The following NBEA variants were observed in gnomAD, a reference collection of about 807,000 sequenced individuals.
NBEA encodes the protein neurobeachin, also known as lysosomal-trafficking regulator 2.
Under a neutral mutation model 343.4 loss-of-function variants are expected in NBEA, and 44 were observed. The observed-to-expected ratio is 0.13, with a 90% CI of 0.10 to 0.16. The LOEUF is 0.16. NBEA is among the 10% of genes least tolerant of loss of function. The probability of loss-of-function intolerance (pLI) is 1.00; values close to 1 mark genes in which losing one functional copy is unlikely to be tolerated. For missense variants in NBEA, 2,555 were observed against 3,631.3 expected (o/e 0.70, Z 7.62); for synonymous variants, 1,175 against 1,238.7 (o/e 0.95, Z 1.08).
chr13:35,578,315 G>A (rs1478760051), intron 45 of NBEA, among the ~76,000 whole-genome samples: 1 of 152,076 alleles, frequency 6.6e-6, no homozygotes, highest in African/African-American at 2.4e-5. Context: ...CCATTTCTGT[G>A]GATCTGTGAG....
chr13:35,074,537 A>G (rs942769821), intron 10 of NBEA, among the ~76,000 whole-genome samples: 8 of 152,158 alleles, frequency 5.3e-5, no homozygotes. Context: ...ATATTGCGTA[A>G]GTGTTCTTTT....
At chr13:35,439,677 A>C (rs1379284036) in intron 39 of NBEA, among the ~76,000 whole-genome samples, 3 of 152,198 alleles carry the variant, frequency 2.0e-5, no homozygotes, top group Admixed American at 2.0e-4. Context: ...ACATGTATAC[A>C]TATGTAACAA....
At chr13:35,613,962 C>T (rs927487914) in intron 48 of NBEA, among the ~76,000 whole-genome samples, 9 of 152,166 alleles carry the variant, frequency 5.9e-5, no homozygotes, top group African/African-American at 2.2e-4. Context: ...TAATTTATGC[C>T]ACTACTAACA....
chr13:35,579,604 A>T (rs901723722), intron 45 of NBEA, among the ~76,000 whole-genome samples: 29 of 152,146 alleles, frequency 1.9e-4, no homozygotes, highest in Non-Finnish European at 4.1e-4. Context: ...AATCTAAGGT[A>T]TTGCATCTAA....
chr13:34,996,297 T>C (rs999396282), intron 1 of NBEA, among the ~76,000 whole-genome samples: 1 of 152,188 alleles, frequency 6.6e-6, no homozygotes, highest in Non-Finnish European at 1.5e-5. Context: ...AGAAAACTGT[T>C]GATAGAGTCT....
chr13:35,012,619 A>AC (rs1327154314), intron 1 of NBEA, among the ~76,000 whole-genome samples: 1 of 152,190 alleles, frequency 6.6e-6, no homozygotes, highest in Non-Finnish European at 1.5e-5. Flanking sequence ...CAGGGTTGGG[A>AC]TTTATTTCCA....
At chr13:35,126,135 C>A (rs901491515) in intron 17 of NBEA, among the ~76,000 whole-genome samples, 1 of 152,166 alleles carries the variant, frequency 6.6e-6, no homozygotes, top group Non-Finnish European at 1.5e-5. Flanking sequence ...CAGTTCCCCC[C>A]TGCTGTTCTT....
intron 33 of NBEA, among the ~76,000 whole-genome samples, chr13:35,221,556 C>T (rs746223598): frequency 5.3e-5 from 8 of 151,942 alleles, no homozygotes; most frequent in Non-Finnish European, 7.4e-5. Context: ...TGTGAAAAAC[C>T]TATGTAGTAT....
rs540489676 is a variant in NBEA, at chr13:35,476,467, T to G, written c.6585+3931T>G. 21 of 799,768 alleles carry G rather than the reference T, an allele frequency of 2.6e-5. No individual in the cohort carries two copies. In the East Asian group the frequency reaches 5.6e-4, roughly 21 times the overall value. 49.5% of individuals were successfully genotyped at this position (799,768 alleles called of 1,614,324 possible). A position where few individuals can be genotyped will look rare whatever the true frequency, so the allele number is the denominator to read the frequency against. On this transcript the variant is annotated intron_variant, in intron 41 of 58. Transcript: ENST00000379939. ...AGAATCCTTGTGTGAGAGAACCGCATGGAGAGATCACCTTCTCAGGAATAA... is the reference window on the plus strand; with the variant it reads ...AGAATCCTTGTGTGAGAGAACCGCAGGGAGAGATCACCTTCTCAGGAATAA...
chr13:35,535,290 C>T (rs117684878), intron 41 of NBEA, among the ~76,000 whole-genome samples: 2,225 of 152,210 alleles, frequency 0.015, 22 homozygotes, highest in Middle Eastern at 0.031. Context: ...CATGAAGGTG[C>T]TTTAAGGTGT....
chr13:35,141,347 A>C (rs2068081367), intron 17 of NBEA, among the ~76,000 whole-genome samples: 1 of 152,058 alleles, frequency 6.6e-6, no homozygotes, highest in East Asian at 1.9e-4. Context: ...GCTCACTGCA[A>C]CCTCCACCTC....
intron 41 of NBEA, among the ~76,000 whole-genome samples, chr13:35,549,696 A>G (rs1222047370): frequency 6.6e-6 from 1 of 152,114 alleles, no homozygotes; most frequent in Non-Finnish European, 1.5e-5. Flanking sequence ...TATATGACTC[A>G]TTTCATCAGC....
chr13:35,397,284 G>A (rs2042790272), intron 38 of NBEA, among the ~76,000 whole-genome samples: 1 of 152,142 alleles, frequency 6.6e-6, no homozygotes, highest in Non-Finnish European at 1.5e-5. Context: ...TCTACTGTCA[G>A]TGCTTTTACC....
At position 35,228,798 on chromosome 13, in the gene NBEA, G is replaced by A. The variant is rs1284856855; in HGVS notation, c.5649-3694G>A. On this transcript the variant is annotated intron_variant, in intron 33 of 58. Transcript: ENST00000379939. ...AACACATCATTAGTGTGACTTAAGG[G>A]GAAAAAATAGACTGGGGAGAATAGA... Among the ~76,000 whole-genome samples, 6 of 152,056 alleles carry A rather than the reference G, an allele frequency of 3.9e-5. No individual in the cohort carries two copies. In the East Asian group the frequency reaches 1.2e-3, roughly 29 times the overall value.
intron 41 of NBEA, among the ~76,000 whole-genome samples, chr13:35,521,188 T>G (rs371955442): frequency 1.3e-5 from 2 of 151,908 alleles, no homozygotes; most frequent in East Asian, 3.9e-4. Flanking sequence ...TAATTACTAT[T>G]TAATATTATA....
At chr13:35,050,475 CT>C in intron 6 of NBEA, 80 bp downstream of exon 6, 1 of 1,365,524 alleles carries the variant, frequency 7.3e-7, no homozygotes, top group Admixed American at 2.5e-5. Context: ...CTGTAGTATT[CT>C]CTTTCACGGG....
At chr13:35,284,023 A>G (rs1296938226) in intron 34 of NBEA, among the ~76,000 whole-genome samples, 1 of 150,834 alleles carries the variant, frequency 6.6e-6, no homozygotes, top group Non-Finnish European at 1.5e-5. Flanking sequence ...CACCACACAG[A>G]TGCATGTACA....
At chr13:35,020,705 A>C (rs943380669) in intron 1 of NBEA, among the ~76,000 whole-genome samples, 1 of 152,136 alleles carries the variant, frequency 6.6e-6, no homozygotes, top group South Asian at 2.1e-4. Context: ...TTTTTAGTAG[A>C]GACAGGGTTT....
intron 36 of NBEA, among the ~76,000 whole-genome samples, chr13:35,344,952 C>T (rs907752353): frequency 2.0e-5 from 3 of 152,036 alleles, no homozygotes; most frequent in Admixed American, 6.6e-5. Flanking sequence ...GCCAATCTCC[C>T]TTATGAATAT....
Sources: allele counts gnomAD v4.1 joint callset (sites outside exome capture counted in the v4.1 genomes callset), GRCh38; gene constraint gnomAD v4.1.1; transcripts MANE v1.5; gene names NCBI Gene and HGNC (gene_info 2026-07-23, HGNC 2026-07-21).